RALGAPA2: variants seen among roughly 807,000 people sequenced by gnomAD.
RALGAPA2 encodes ral GTPase-activating protein subunit alpha-2.
In RALGAPA2, 139 loss-of-function variants were observed where a neutral mutation model predicts 230.4. That is an observed-to-expected ratio of 0.60 (90% CI 0.53 to 0.69). RALGAPA2 has a LOEUF of 0.69. RALGAPA2 is among the 30% of genes least tolerant of loss of function. The pLI, the probability that RALGAPA2 is intolerant of heterozygous loss-of-function variation, is 0.00. For synonymous variants in RALGAPA2, 847 were observed against 837.8 expected, an observed-to-expected ratio of 1.01 and a Z score of -0.19; for missense variants, 2,163 against 2,276.0, an observed-to-expected ratio of 0.95 and a Z score of 1.01.
chr20:20,449,476 A>G (rs958910857), intron 37 of RALGAPA2, among the ~76,000 whole-genome samples: 2 of 152,242 alleles, frequency 1.3e-5, no homozygotes, highest in African/African-American at 4.8e-5. Context: ...GTTTCCTTTT[A>G]TCTTCACAGA....
At chr20:20,498,230 G>C (rs567520833) in intron 35 of RALGAPA2, among the ~76,000 whole-genome samples, 1 of 152,262 alleles carries the variant, frequency 6.6e-6, no homozygotes, top group South Asian at 2.1e-4. Flanking sequence ...TGTGTAACTG[G>C]GGAAGAATGA....
intron 1 of RALGAPA2, among the ~76,000 whole-genome samples, chr20:20,708,064 C>T (rs2069680200): frequency 6.6e-6 from 1 of 151,516 alleles, no homozygotes; most frequent in Non-Finnish European, 1.5e-5. Context: ...TGTAAGTATA[C>T]AATATACACT....
At chr20:20,490,264 A>C (rs1387820658) in intron 36 of RALGAPA2, among the ~76,000 whole-genome samples, 1 of 152,230 alleles carries the variant, frequency 6.6e-6, no homozygotes, top group Non-Finnish European at 1.5e-5. Context: ...GTGGCAATGA[A>C]TTAGAGAAGA....
chr20:20,710,363 G>A (rs1396264811), intron 1 of RALGAPA2, among the ~76,000 whole-genome samples: 2 of 152,148 alleles, frequency 1.3e-5, no homozygotes, highest in South Asian at 2.1e-4. Context: ...AATAGAATAT[G>A]TGATTAGGTA....
At chr20:20,621,523 T>G (rs948418730) in intron 10 of RALGAPA2, among the ~76,000 whole-genome samples, 1 of 152,066 alleles carries the variant, frequency 6.6e-6, no homozygotes, top group Non-Finnish European at 1.5e-5. Flanking sequence ...CCTTCCTTTT[T>G]TGTTATTATT....
At chr20:20,540,081 T>C (rs569168924) in intron 24 of RALGAPA2, among the ~76,000 whole-genome samples, 1 of 152,260 alleles carries the variant, frequency 6.6e-6, no homozygotes, top group Non-Finnish European at 1.5e-5. Flanking sequence ...GGAGTGCAGA[T>C]ATTTCTTCAA....
intron 38 of RALGAPA2, among the ~76,000 whole-genome samples, chr20:20,399,115 C>CG (rs935633692): frequency 2.0e-5 from 3 of 152,096 alleles, no homozygotes; most frequent in African/African-American, 7.2e-5. Flanking sequence ...GAGGCCAAGG[C>CG]GGGTGGATCA....
At position 20,712,513 on chromosome 20, in the gene RALGAPA2, G is replaced by T; in HGVS notation, c.-33C>A. The T allele has an allele frequency of 6.5e-7, 1 of 1,534,260 alleles. No individual in the cohort carries two copies. Among genetic ancestry groups the T allele is most frequent in the Non-Finnish European group, 8.8e-7 (1 of 1,140,086 alleles). ...CAGGAAGCCCGGGCCCCGCCGGCGG[G>T]GCAGTAGGCGCCTGCGCCACGCGAA... On this transcript the variant is annotated 5_prime_UTR_variant, in exon 1 of 40. Coordinates refer to ENST00000202677, the MANE Select transcript of RALGAPA2 (RefSeq NM_020343.4). The surrounding 1 kb of genome is among the most constrained non-coding windows in gnomAD (Gnocchi z 5.5).
At chr20:20,430,046 C>T (rs1296287570) in intron 37 of RALGAPA2, among the ~76,000 whole-genome samples, 2 of 152,246 alleles carry the variant, frequency 1.3e-5, no homozygotes, top group Non-Finnish European at 2.9e-5. Flanking sequence ...TGAGTCCTGG[C>T]CCTGTGACCT....
chr20:20,511,709 T>C (rs1484535860), intron 32 of RALGAPA2, among the ~76,000 whole-genome samples: 1 of 152,202 alleles, frequency 6.6e-6, no homozygotes, highest in Non-Finnish European at 1.5e-5. Context: ...GTCTTCTCCA[T>C]TGCTCTGTAC....
intron 31 of RALGAPA2, among the ~76,000 whole-genome samples, chr20:20,517,105 C>T (rs1466715675): frequency 6.6e-6 from 1 of 152,140 alleles, no homozygotes; most frequent in African/African-American, 2.4e-5. Flanking sequence ...CATGAATGTA[C>T]CTACAGATAG....
intron 36 of RALGAPA2, among the ~76,000 whole-genome samples, chr20:20,483,234 G>A (rs2061824596): frequency 6.6e-6 from 1 of 152,108 alleles, no homozygotes; most frequent in Admixed American, 6.5e-5. Flanking sequence ...AAAGAATGAT[G>A]GAAAGAAAGG....
At chr20:20,560,230 A>G (rs2064216992) in intron 23 of RALGAPA2, among the ~76,000 whole-genome samples, 2 of 152,206 alleles carry the variant, frequency 1.3e-5, no homozygotes, top group South Asian at 2.1e-4. Flanking sequence ...TGAAGGGACC[A>G]TGCTGCACGT....
intron 22 of RALGAPA2, 113 bp downstream of exon 22, chr20:20,571,735 G>GT (rs1230085374): frequency 1.4e-6 from 2 of 1,456,696 alleles, no homozygotes; most frequent in Non-Finnish European, 1.9e-6. Flanking sequence ...AGTTACTTTA[G>GT]TAAGACCCAG....
At chr20:20,481,610 A>G (rs1001082572) in intron 36 of RALGAPA2, among the ~76,000 whole-genome samples, 3 of 152,226 alleles carry the variant, frequency 2.0e-5, no homozygotes, top group Non-Finnish European at 4.4e-5. Context: ...ACTTAATACA[A>G]AGGTCTAGAA....
At chr20:20,633,843 T>C (rs1413275971) in intron 9 of RALGAPA2, among the ~76,000 whole-genome samples, 2 of 152,232 alleles carry the variant, frequency 1.3e-5, no homozygotes, top group East Asian at 3.8e-4. Context: ...CTTCAGTATG[T>C]TGTAAGAGGC....
Position 20,520,945 on chromosome 20 carries a change from T to G in RALGAPA2, c.4056A>C (p.Glu1352Asp), listed in dbSNP as rs779443942. Reference protein sequence around the residue: ...SEPVQYHSSAELGNLLTVEEE... With the variant: ...SEPVQYHSSADLGNLLTVEEE... ...CTTCAACAGTCAGCAGGTTACCCAA[T>G]TCTGCTGATGAATGATACTGGACTG... Residue 1352 changes from glutamate (E) to aspartate (D), a missense_variant, in exon 31 of 40, where the codon GAA (glutamate) becomes GAC (aspartate). Glu to Asp is a conservative substitution (Grantham distance 45). Transcript: ENST00000202677. 1 of 1,612,282 alleles carries G rather than the reference T, an allele frequency of 6.2e-7. No individual in the cohort carries two copies. Among genetic ancestry groups the G allele is most frequent in the South Asian group, 1.1e-5 (1 of 90,940 alleles).
intron 36 of RALGAPA2, among the ~76,000 whole-genome samples, chr20:20,475,275 T>C (rs1355771183): frequency 1.3e-5 from 2 of 152,152 alleles, no homozygotes; most frequent in Admixed American, 6.6e-5. Flanking sequence ...AAGAAAACTA[T>C]GGACTAATAT....
At chr20:20,611,632 GC>G (rs1373712437) in intron 13 of RALGAPA2, among the ~76,000 whole-genome samples, 6 of 152,106 alleles carry the variant, frequency 3.9e-5, no homozygotes, top group African/African-American at 1.4e-4. Context: ...TTAAAAACAT[GC>G]CTCCCATGTC....
Sources: gnomAD v4.1 joint callset for allele counts (sites outside exome capture counted in the v4.1 genomes callset) on GRCh38, gnomAD v4.1.1 for gene constraint, Gnocchi (gnomAD v3.1) non-coding constraint, MANE v1.5 for transcripts, NCBI Gene and HGNC (gene_info 2026-07-23, HGNC 2026-07-21) for gene names.